SHISA6: variants seen among roughly 807,000 people sequenced by gnomAD.
The protein encoded by SHISA6 is shisa family member 6.
Under a neutral mutation model 47.9 loss-of-function variants are expected in SHISA6, and 22 were observed. The observed-to-expected ratio is 0.46, with a 90% CI of 0.33 to 0.66. The LOEUF is 0.66. Ranked by LOEUF, SHISA6 falls within the 30% of genes least tolerant of loss-of-function variation. SHISA6 has a pLI of 0.02. For missense variants in SHISA6, 680 were observed against 764.6 expected (o/e 0.89, Z 1.30); for synonymous variants, 388 against 337.8 (o/e 1.15, Z -1.63).
At chr17:11,402,915 T>G (rs1913826979) in intron 3 of SHISA6, among the ~76,000 whole-genome samples, 1 of 152,184 alleles carries the variant, frequency 6.6e-6, no homozygotes, top group Non-Finnish European at 1.5e-5. Flanking sequence ...GAAGCGATGG[T>G]AATTGCACAC....
intron 3 of SHISA6, among the ~76,000 whole-genome samples, chr17:11,464,760 T>A (rs1220855014): frequency 6.6e-6 from 1 of 152,060 alleles, no homozygotes; most frequent in South Asian, 2.1e-4. Context: ...CTGGCCAACA[T>A]GGTGAAACTC....
rs906729141 is a variant in SHISA6, at chr17:11,558,736, C to T, written c.*432C>T. The T allele has an allele frequency of 6.8e-5, 15 of 221,474 alleles. No homozygotes were observed. The highest frequency in any genetic ancestry group is 3.1e-4 in the Admixed American group (6 of 19,308). The allele number at this position is 221,474 out of a possible 1,614,324, so 13.7% of individuals were successfully genotyped here. A position where few individuals can be genotyped will look rare whatever the true frequency, so the allele number is the denominator to read the frequency against. On this transcript the variant is annotated 3_prime_UTR_variant, in exon 6 of 6. Coordinates refer to ENST00000441885, the MANE Select transcript of SHISA6 (RefSeq NM_207386.4). ...CAGCGGGTCCAATCAGTGGGCTGAC[C>T]GGATAGGCTACTCGGTCTCATTCAT... is the stretch of plus-strand genomic sequence containing the variant.
chr17:11,457,215 C>A (rs187195620), intron 3 of SHISA6, among the ~76,000 whole-genome samples: 5 of 152,326 alleles, frequency 3.3e-5, no homozygotes, highest in Admixed American at 6.5e-5. Context: ...GGTACCCATT[C>A]CGTAGCTCCC....
intron 3 of SHISA6, among the ~76,000 whole-genome samples, chr17:11,487,289 C>T (rs1364621629): frequency 6.6e-6 from 1 of 152,188 alleles, no homozygotes; most frequent in African/African-American, 2.4e-5. Flanking sequence ...TCTCCTCCTG[C>T]ATCAGGCATC....
At chr17:11,246,850 T>A (rs967364544) in intron 1 of SHISA6, among the ~76,000 whole-genome samples, 2 of 74,282 alleles carry the variant, frequency 2.7e-5, no homozygotes, top group African/African-American at 6.8e-5. Context: ...GCAGGGTTCC[T>A]TCTTGCTTTA....
intron 3 of SHISA6, among the ~76,000 whole-genome samples, chr17:11,550,231 A>C (rs1477401708): frequency 6.6e-6 from 1 of 151,936 alleles, no homozygotes; most frequent in Non-Finnish European, 1.5e-5. Context: ...TAATTTTTGT[A>C]TTCTTGGTAG....
chr17:11,392,740 T>C (rs1255509038), intron 3 of SHISA6, among the ~76,000 whole-genome samples: 1 of 152,224 alleles, frequency 6.6e-6, no homozygotes, highest in Non-Finnish European at 1.5e-5. Context: ...ATGCCCAGAT[T>C]GGGGTGTAGC....
chr17:11,507,572 C>A (rs1567624626), intron 3 of SHISA6, among the ~76,000 whole-genome samples: 1 of 152,138 alleles, frequency 6.6e-6, no homozygotes. Context: ...AGATGTATTC[C>A]CCCCTTTCCT....
At chr17:11,269,968 T>C (rs1908578028) in intron 2 of SHISA6, among the ~76,000 whole-genome samples, 1 of 152,208 alleles carries the variant, frequency 6.6e-6, no homozygotes, top group Non-Finnish European at 1.5e-5. Context: ...CTATTTATTT[T>C]TATTTTGTAA....
At chr17:11,518,863 C>T (rs1322143560) in intron 3 of SHISA6, among the ~76,000 whole-genome samples, 1 of 152,144 alleles carries the variant, frequency 6.6e-6, no homozygotes, top group Non-Finnish European at 1.5e-5. Context: ...TCCTACTCTC[C>T]CTTCTCCTTT....
At chr17:11,270,774 T>A (rs1217023702) in intron 2 of SHISA6, among the ~76,000 whole-genome samples, 1 of 152,224 alleles carries the variant, frequency 6.6e-6, no homozygotes, top group East Asian at 1.9e-4. Flanking sequence ...GTCCCAGCCA[T>A]CTTCCATGCG....
intron 3 of SHISA6, among the ~76,000 whole-genome samples, chr17:11,389,295 T>G (rs942883950): frequency 6.6e-6 from 1 of 152,120 alleles, no homozygotes; most frequent in African/African-American, 2.4e-5. Flanking sequence ...AGAGGAGAGA[T>G]AGTACCCGGC....
rs186350232 is a variant in SHISA6 at position 11,464,740 on chromosome 17, C to T, written c.895+85231C>T. ...GGTGGATCACCGGAGGCCAGGAGTT[C>T]GAGACCAGCCTGGCCAACATGGTGA... On this transcript the variant is annotated intron_variant, in intron 3 of 5. Transcript: ENST00000441885. 7.2e-3 allele frequency among the ~76,000 whole-genome samples: 1,099 copies of T among 152,236 alleles called. 16 individuals carry two copies. The highest frequency in any genetic ancestry group is 0.025 in the African/African-American group (1,045 of 41,532).
At chr17:11,313,188 G>T (rs4791462) in intron 2 of SHISA6, among the ~76,000 whole-genome samples, 6 of 152,200 alleles carry the variant, frequency 3.9e-5, no homozygotes, top group Admixed American at 3.9e-4. Context: ...GCAGTATCTG[G>T]TAGTGCACCT....
At chr17:11,390,361 A>G (rs1206079277) in intron 3 of SHISA6, among the ~76,000 whole-genome samples, 1 of 152,324 alleles carries the variant, frequency 6.6e-6, no homozygotes, top group East Asian at 1.9e-4. Context: ...CACCTGCACC[A>G]GAGCTCTGAG....
chr17:11,355,162 A>T (rs895420432), intron 2 of SHISA6, among the ~76,000 whole-genome samples: 2 of 152,114 alleles, frequency 1.3e-5, no homozygotes, highest in African/African-American at 2.4e-5. Flanking sequence ...TGCAACCTAA[A>T]CTTGAGTGAG....
chr17:11,422,567 C>T (rs1914478644), intron 3 of SHISA6, among the ~76,000 whole-genome samples: 1 of 152,130 alleles, frequency 6.6e-6, no homozygotes, highest in African/African-American at 2.4e-5. Flanking sequence ...GCCTGGCCAA[C>T]ATAGTGAAAT....
chr17:11,452,302 G>A (rs1915421374), intron 3 of SHISA6, among the ~76,000 whole-genome samples: 1 of 152,204 alleles, frequency 6.6e-6, no homozygotes, highest in Admixed American at 6.5e-5. Context: ...CCTCATGGTT[G>A]TGTTTCTGGC....
chr17:11,369,752 C>T (rs2142236590), intron 2 of SHISA6, among the ~76,000 whole-genome samples: 1 of 152,322 alleles, frequency 6.6e-6, no homozygotes, highest in East Asian at 1.9e-4. Flanking sequence ...GACAATGCAA[C>T]AGCTCTGGGA....
Sources: allele counts gnomAD v4.1 joint callset (sites outside exome capture counted in the v4.1 genomes callset), GRCh38; gene constraint gnomAD v4.1.1; transcripts MANE v1.5; gene names NCBI Gene and HGNC (gene_info 2026-07-23, HGNC 2026-07-21).